ZFP64: variants seen among roughly 807,000 people sequenced by gnomAD.
The protein encoded by ZFP64 is zinc finger protein 64.
A neutral mutation model predicts 51.6 loss-of-function variants in ZFP64; 14 were observed. The observed-to-expected ratio is 0.27, with a 90% CI of 0.18 to 0.42. The LOEUF is 0.42. Among genes scored for constraint, ZFP64 ranks in the 10% least tolerant of loss-of-function variants. ZFP64 has a pLI of 1.00. For synonymous variants in ZFP64, 375 were observed against 361.4 expected (o/e 1.04, Z -0.43); for missense variants, 754 against 906.8 (o/e 0.83, Z 2.16).
At chr20:52,149,167 T>G (rs995939872), downstream of ZFP64, among the ~76,000 whole-genome samples, 1 of 152,074 alleles carries the variant, frequency 6.6e-6, no homozygotes, top group African/African-American at 2.4e-5. Context: ...CCAAAGGTAG[T>G]TGAGCTCACA....
At position 52,160,004 on chromosome 20, in the gene ZFP64, AC is replaced by A; in HGVS notation, c.763+118del. Reference sequence around the variant, plus strand: ...ACAAAAAAAAACAAAACTGCAAACAACGGGATGAGCAAAGGTTCCAACTCGA... The same window carrying A: ...ACAAAAAAAAACAAAACTGCAAACAAGGGATGAGCAAAGGTTCCAACTCGA... On this transcript the variant is annotated intron_variant, in intron 5 of 5. Transcript: ENST00000216923. The surrounding 1 kb of genome is among the most constrained non-coding windows in gnomAD (Gnocchi z 4.2). 1 of 1,527,670 alleles carries A rather than the reference AC, an allele frequency of 6.5e-7. No homozygotes were observed. Among genetic ancestry groups the A allele is most frequent in the Non-Finnish European group, 8.8e-7 (1 of 1,132,442 alleles). 94.6% of individuals were successfully genotyped at this position (1,527,670 alleles called of 1,614,324 possible).
intron 5 of ZFP64, among the ~76,000 whole-genome samples, chr20:52,102,107 C>CCAAAAAAAAAAAAAAAAAAA (rs551838560): frequency 1.3e-4 from 8 of 63,438 alleles, no homozygotes; most frequent in African/African-American, 5.4e-4. Flanking sequence ...ACTCCATCTC[C>CCAAAAAAAAAAAAAAAAAAA]AAAAAAAAAA....
chr20:52,164,968 A>T (rs777639115), intron 3 of ZFP64: 1 of 675,492 alleles, frequency 1.5e-6, no homozygotes, highest in South Asian at 1.5e-5. Context: ...GAATCTGATC[A>T]TAAGGAAACA....
intron 2 of ZFP64, chr20:52,175,861 G>GGCCCC: frequency 1.1e-4 from 26 of 238,620 alleles, no homozygotes; most frequent in Non-Finnish European, 1.5e-4. Context: ...CACCCCCGCT[G>GGCCCC]CCGCCCCCGC....
At chr20:52,110,890 GC>G (rs1978525914) in intron 5 of ZFP64, 2 of 1,610,080 alleles carry the variant, frequency 1.2e-6, no homozygotes, top group African/African-American at 1.3e-5. Flanking sequence ...ATCGCTGGAA[GC>G]CGAGTTTTCA....
chr20:52,094,881 C>A (rs2078971283), intron 7 of ZFP64, among the ~76,000 whole-genome samples: 1 of 152,132 alleles, frequency 6.6e-6, no homozygotes, highest in Non-Finnish European at 1.5e-5. Context: ...GTGATCTCAA[C>A]CAAAATCCCA....
rs1019602084 is a variant in ZFP64, at chr20:52,152,542, G to C, written c.1650C>G (p.Ala550=). Residue 550 remains alanine (A), a synonymous_variant, in exon 6 of 6, where the codon GCC becomes GCG. Transcript: ENST00000216923. ...TCGGACACCGCGAGGACTGAGGGGGGGCGATCAGACTGACCTGGCGCAGGA... is the reference window on the plus strand; with the variant it reads ...TCGGACACCGCGAGGACTGAGGGGGCGCGATCAGACTGACCTGGCGCAGGA... ...LQILRQVSLI[A]PPQSSRCPSE... 6.3e-7 allele frequency: 1 copy of C among 1,585,486 alleles called. No homozygotes were observed. Among genetic ancestry groups the C allele is most frequent in the East Asian group, 2.2e-5 (1 of 44,658 alleles).
rs760879418 is a variant in ZFP64 at position 52,152,284 on chromosome 20, C to T, written c.1908G>A (p.Gln636=). ...AEVTVVSDGG[Q]NIAVATTAPP... ...GCGCTGTGGTGGCCACTGCGATGTT[C>T]TGGCCTCCATCGCTCACCACTGTCA... The change falls in exon 6 of 6, where the codon CAG becomes CAA. Residue 636 remains glutamine (Q), a synonymous_variant. Transcript: ENST00000216923. 1 of 1,614,224 alleles carries T rather than the reference C, an allele frequency of 6.2e-7. No individual in the cohort carries two copies. Among genetic ancestry groups the T allele is most frequent in the South Asian group, 1.1e-5 (1 of 91,086 alleles).
At chr20:52,172,685 C>T (rs898241577) in intron 2 of ZFP64, among the ~76,000 whole-genome samples, 2 of 151,978 alleles carry the variant, frequency 1.3e-5, no homozygotes, top group African/African-American at 2.4e-5. Context: ...GAATGCAGCA[C>T]GGGCCACCTC....
chr20:52,104,440 G>A (rs980560075), intron 5 of ZFP64, among the ~76,000 whole-genome samples: 4 of 152,182 alleles, frequency 2.6e-5, no homozygotes, highest in Non-Finnish European at 5.9e-5. Context: ...CCTGTTAAGT[G>A]CGACAGCATC....
intron 7 of ZFP64, among the ~76,000 whole-genome samples, chr20:52,092,939 T>C (rs1267111559): frequency 6.6e-6 from 1 of 152,164 alleles, no homozygotes; most frequent in African/African-American, 2.4e-5. Context: ...GTAAATTGTT[T>C]ATTGTTCGCA....
intron 2 of ZFP64, among the ~76,000 whole-genome samples, chr20:52,172,518 G>C (rs1982839516): frequency 6.6e-6 from 1 of 151,940 alleles, no homozygotes; most frequent in African/African-American, 2.4e-5. Flanking sequence ...ATAATGAGTG[G>C]CATGGGCCTT....
chr20:52,106,208 G>A (rs1441851098), intron 5 of ZFP64, among the ~76,000 whole-genome samples: 4 of 152,194 alleles, frequency 2.6e-5, no homozygotes, highest in South Asian at 4.1e-4. Flanking sequence ...GCTAATTAGC[G>A]TTCATGCTCA....
rs557261462 is a variant in ZFP64, at chr20:52,094,908, A to C, written c.976+2465T>G. ...AAAATCCCAGGGGTTCTAACCCTAC[A>C]ATGATGGTGACCTTGAGGCATGCCC... On this transcript the variant is annotated intron_variant, in intron 7 of 8. Coordinates refer to the ZFP64 transcript ENST00000361387. 3.3e-5 allele frequency among the ~76,000 whole-genome samples: 5 copies of C among 152,296 alleles called. No homozygotes were observed. The South Asian group carries it at 1.0e-3, about 32-fold the overall frequency.
At chr20:52,120,988 A>G (rs1176030525) in intron 5 of ZFP64, among the ~76,000 whole-genome samples, 1 of 152,002 alleles carries the variant, frequency 6.6e-6, no homozygotes, top group Non-Finnish European at 1.5e-5. Flanking sequence ...ATGATCAGTG[A>G]TATTTGATGC....
At chr20:52,117,444 C>T (rs922575979) in intron 5 of ZFP64, among the ~76,000 whole-genome samples, 6 of 152,058 alleles carry the variant, frequency 3.9e-5, no homozygotes, top group African/African-American at 1.4e-4. Flanking sequence ...CATGGTGAAA[C>T]CTTGTCTCTA....
chr20:52,162,813 T>C (rs1981933367), intron 4 of ZFP64, among the ~76,000 whole-genome samples: 1 of 152,182 alleles, frequency 6.6e-6, no homozygotes, highest in African/African-American at 2.4e-5. Flanking sequence ...TGGCCAGCTC[T>C]GCTGGTAAAG....
chr20:52,104,911 G>A (rs1568949447), intron 5 of ZFP64: 2 of 660,754 alleles, frequency 3.0e-6, no homozygotes, highest in South Asian at 3.4e-5. Context: ...GAGAGGAGTG[G>A]CTAGAGGAAT....
At chr20:52,139,811 T>C (rs1360276046) in intron 5 of ZFP64, among the ~76,000 whole-genome samples, 7 of 151,742 alleles carry the variant, frequency 4.6e-5, no homozygotes, top group Non-Finnish European at 7.4e-5. Flanking sequence ...CTTGTTTGAT[T>C]GTCCTTAGTT....
Sources: gnomAD v4.1 joint callset for allele counts (sites outside exome capture counted in the v4.1 genomes callset) on GRCh38, gnomAD v4.1.1 for gene constraint, Gnocchi (gnomAD v3.1) non-coding constraint, MANE v1.5 for transcripts, NCBI Gene and HGNC (gene_info 2026-07-23, HGNC 2026-07-21) for gene names.